Variants in RAB3C observed in about 807,000 individuals in gnomAD.
The protein encoded by RAB3C is ras-related protein Rab-3C.
In RAB3C, 17 loss-of-function variants were observed where a neutral mutation model predicts 26.4. That is an observed-to-expected ratio of 0.64 (90% CI 0.44 to 0.97). The LOEUF (loss-of-function observed/expected upper bound fraction) is 0.97, where lower values mean the gene tolerates loss of function less well. Ranked by LOEUF, RAB3C falls within the 50% of genes least tolerant of loss-of-function variation. The pLI, the probability that RAB3C is intolerant of heterozygous loss-of-function variation, is 0.00. For synonymous variants in RAB3C, 91 were observed against 95.9 expected (o/e 0.95, Z 0.30); for missense variants, 242 against 281.9 (o/e 0.86, Z 1.01).
chr5:58,626,933 A>G (rs550779669), intron 2 of RAB3C, among the ~76,000 whole-genome samples: 2 of 152,262 alleles, frequency 1.3e-5, no homozygotes, highest in African/African-American at 2.4e-5. Context: ...AAGGTGGCAT[A>G]TCTTCTGGAT....
chr5:58,719,182 A>G (rs777960167), intron 2 of RAB3C, among the ~76,000 whole-genome samples: 1 of 152,086 alleles, frequency 6.6e-6, no homozygotes, highest in Non-Finnish European at 1.5e-5. Context: ...ATTTTTTGTC[A>G]TATCAAGCAA....
intron 2 of RAB3C, among the ~76,000 whole-genome samples, chr5:58,700,210 G>A (rs1036364839): frequency 5.9e-5 from 9 of 152,204 alleles, no homozygotes; most frequent in African/African-American, 1.9e-4. Context: ...CTCAGGAAAT[G>A]TTTTATGAAT....
chr5:58,738,041 G>T (rs1741189798), intron 3 of RAB3C, among the ~76,000 whole-genome samples: 1 of 152,138 alleles, frequency 6.6e-6, no homozygotes, highest in Non-Finnish European at 1.5e-5. Context: ...TGCCAATGAA[G>T]TACAGCACAA....
At chr5:58,732,826 C>G (rs1285173827) in intron 3 of RAB3C, among the ~76,000 whole-genome samples, 1 of 152,144 alleles carries the variant, frequency 6.6e-6, no homozygotes, top group East Asian at 1.9e-4. Flanking sequence ...AATATATTTG[C>G]TAAATTCTTT....
intron 3 of RAB3C, among the ~76,000 whole-genome samples, chr5:58,786,942 C>T (rs1276845430): frequency 1.3e-5 from 2 of 151,968 alleles, no homozygotes; most frequent in African/African-American, 4.8e-5. Flanking sequence ...TAAGGATATC[C>T]GCGGCCAGTT....
At chr5:58,622,696 A>G (rs906951254) in intron 2 of RAB3C, among the ~76,000 whole-genome samples, 4 of 152,244 alleles carry the variant, frequency 2.6e-5, no homozygotes, top group African/African-American at 9.6e-5. Flanking sequence ...CCCATAAAAT[A>G]AGCACTTTAT....
At chr5:58,738,582 G>A (rs293001) in intron 3 of RAB3C, among the ~76,000 whole-genome samples, 121,473 of 152,110 alleles carry the variant, frequency 0.8, 48,807 homozygotes, top group East Asian at 0.95. Context: ...GGCCTCACTG[G>A]ACTTTGGAAG....
Position 58,766,260 on chromosome 5 carries a change from G to A in RAB3C, c.371+40140G>A, listed in dbSNP as rs375298911. ...GCCTCCAGAGTAGCTGGGATTACAG[G>A]CGTGTGCCACCACATTCAGCTAATT... On this transcript the variant is annotated intron_variant, in intron 3 of 4. Transcript: ENST00000282878. Among the ~76,000 whole-genome samples the A allele has an allele frequency of 6.1e-4, 93 of 152,076 alleles. 2 individuals carry two copies. The South Asian group carries it at 0.018, about 29-fold the overall frequency.
At chr5:58,629,743 G>A (rs181641460) in intron 2 of RAB3C, among the ~76,000 whole-genome samples, 1 of 152,326 alleles carries the variant, frequency 6.6e-6, no homozygotes, top group African/African-American at 2.4e-5. Context: ...TTATTGGCTG[G>A]TGGTGCATAT....
intron 2 of RAB3C, among the ~76,000 whole-genome samples, chr5:58,662,002 C>T (rs1003774061): frequency 6.7e-6 from 1 of 150,156 alleles, no homozygotes; most frequent in African/African-American, 2.5e-5. Flanking sequence ...TTCTCTCCCA[C>T]ATCCCAGGTC....
At chr5:58,805,466 T>A (rs532237173) in intron 3 of RAB3C, among the ~76,000 whole-genome samples, 5 of 150,346 alleles carry the variant, frequency 3.3e-5, no homozygotes, top group African/African-American at 1.2e-4. Flanking sequence ...GCGCCTATAA[T>A]CCCATCTACA....
intron 2 of RAB3C, among the ~76,000 whole-genome samples, chr5:58,715,233 T>C (rs572322552): frequency 2.0e-5 from 3 of 152,172 alleles, no homozygotes; most frequent in African/African-American, 4.8e-5. Context: ...GTGCATCTTT[T>C]TTTTTTCTTC....
intron 3 of RAB3C, chr5:58,822,979 TA>T: frequency 1.6e-6 from 1 of 624,232 alleles, no homozygotes. Context: ...TCACTGGCAA[TA>T]AAGTTTTTGG....
intron 2 of RAB3C, among the ~76,000 whole-genome samples, chr5:58,692,696 TC>T (rs753076310): frequency 2.6e-5 from 4 of 152,188 alleles, no homozygotes; most frequent in Non-Finnish European, 5.9e-5. Context: ...GGCCAACTTT[TC>T]TGGCATTGCT....
intron 1 of RAB3C, among the ~76,000 whole-genome samples, chr5:58,584,865 T>C (rs1745978849): frequency 1.3e-5 from 2 of 151,988 alleles, no homozygotes; most frequent in African/African-American, 4.8e-5. Flanking sequence ...GCTTAGAATG[T>C]TCAGAAAGGT....
At chr5:58,800,816 G>A (rs898187211) in intron 3 of RAB3C, among the ~76,000 whole-genome samples, 5 of 152,254 alleles carry the variant, frequency 3.3e-5, no homozygotes, top group South Asian at 2.1e-4. Context: ...TTGGTGAATC[G>A]CTTCATCTCC....
intron 1 of RAB3C, among the ~76,000 whole-genome samples, chr5:58,613,643 T>A (rs1213234696): frequency 2.6e-5 from 4 of 152,088 alleles, no homozygotes; most frequent in Non-Finnish European, 4.4e-5. Context: ...TTCATAACAG[T>A]TAATGTGAAA....
chr5:58,838,839 T>C lies in RAB3C; in HGVS notation c.497-12325T>C, dbSNP rs538798078. Among the ~76,000 whole-genome samples the C allele has an allele frequency of 3.0e-4, 45 of 152,344 alleles. 1 individual carries two copies. Among genetic ancestry groups the C allele is most frequent in the African/African-American group, 1.0e-3 (43 of 41,586 alleles). The stretch of plus-strand genomic sequence containing the variant: ...AACTATTATATCACTGGGGTCTATC[T>C]TTCCCTTTACATCTAATACTTGCTT... On this transcript the variant is annotated intron_variant, in intron 4 of 4. Coordinates refer to ENST00000282878, the MANE Select transcript of RAB3C (RefSeq NM_138453.4).
intron 2 of RAB3C, among the ~76,000 whole-genome samples, chr5:58,697,278 G>T (rs528136289): frequency 6.3e-4 from 96 of 152,318 alleles, no homozygotes; most frequent in African/African-American, 2.2e-3. Flanking sequence ...TTGCACTGTT[G>T]TGTGAGAGAC....
Sources: gnomAD v4.1 joint callset for allele counts (sites outside exome capture counted in the v4.1 genomes callset) on GRCh38, gnomAD v4.1.1 for gene constraint, MANE v1.5 for transcripts, NCBI Gene and HGNC (gene_info 2026-07-23, HGNC 2026-07-21) for gene names.